The following WNK3 variants were observed in gnomAD, a reference collection of about 807,000 sequenced individuals.
WNK3 encodes the protein serine/threonine-protein kinase WNK3.
Under a neutral mutation model 116.7 loss-of-function variants are expected in WNK3, and 18 were observed. That is an observed-to-expected ratio of 0.15 (90% CI 0.11 to 0.23). The LOEUF (loss-of-function observed/expected upper bound fraction) is 0.23, where lower values mean the gene tolerates loss of function less well. WNK3 is among the 10% of genes least tolerant of loss of function. WNK3 has a pLI of 1.00. For missense variants in WNK3, 993 were observed against 1,323.8 expected, an observed-to-expected ratio of 0.75 and a Z score of 3.88; for synonymous variants, 404 against 469.4, an observed-to-expected ratio of 0.86 and a Z score of 1.80.
At chrX:54,210,407 G>A (rs2067600206) in intron 22 of WNK3, among the ~76,000 whole-genome samples, 2 of 111,953 alleles carry the variant, frequency 1.8e-5, no homozygotes, top group Non-Finnish European at 3.8e-5. Flanking sequence ...GATTGCTTGA[G>A]GTCAGGAGTT....
At chrX:54,281,362 G>A (rs1187277769) in intron 10 of WNK3, among the ~76,000 whole-genome samples, 12 of 110,946 alleles carry the variant, frequency 1.1e-4, no homozygotes, top group South Asian at 3.9e-4. Flanking sequence ...GCATACGCCT[G>A]TAGTCTCAGC....
chrX:54,253,913 AAGAC>A (rs1270268816), intron 13 of WNK3, 42 bp downstream of exon 13: 2 of 879,890 alleles, frequency 2.3e-6, no homozygotes, highest in Non-Finnish European at 3.3e-6. Flanking sequence ...TAGGGGAAAA[AAGAC>A]AGAATGCTGA....
chrX:54,201,869 A>C, intron 23 of WNK3, 122 bp downstream of exon 23: 1 of 574,121 alleles, frequency 1.7e-6, no homozygotes, highest in Admixed American at 3.9e-5. Context: ...AAAAAGGATA[A>C]AAGTCTCTAT....
chrX:54,266,879 C>T (rs2146997982), intron 10 of WNK3, among the ~76,000 whole-genome samples: 1 of 110,430 alleles, frequency 9.1e-6, no homozygotes, highest in African/African-American at 3.3e-5. Context: ...TGTCCTAATG[C>T]TCTCCCTCCC....
chrX:54,232,109 GTGTGTA>G (rs1396477624), intron 21 of WNK3, among the ~76,000 whole-genome samples: 2 of 96,428 alleles, frequency 2.1e-5, no homozygotes, highest in African/African-American at 9.2e-5. Context: ...GTGTGTGTGT[GTGTGTA>G]TATATATATA....
chrX:54,199,275 C>T (rs2067478507), intron 23 of WNK3, among the ~76,000 whole-genome samples: 1 of 110,263 alleles, frequency 9.1e-6, no homozygotes, highest in African/African-American at 3.3e-5. Context: ...AATACCTCCC[C>T]TTCACCATAC....
chrX:54,287,627 T>C (rs2068594816), intron 10 of WNK3, among the ~76,000 whole-genome samples: 1 of 112,064 alleles, frequency 8.9e-6, no homozygotes, highest in Admixed American at 9.5e-5. Context: ...GGTTTTTGTA[T>C]TTTATTCACT....
chrX:54,213,197 G>A (rs1281479329), intron 22 of WNK3, among the ~76,000 whole-genome samples: 3 of 108,680 alleles, frequency 2.8e-5, no homozygotes, highest in African/African-American at 1.0e-4. Flanking sequence ...TGTTGCCAGG[G>A]GTGGTCTTGA....
intron 1 of WNK3, among the ~76,000 whole-genome samples, chrX:54,345,286 G>A (rs781887237): frequency 1.6e-4 from 11 of 68,523 alleles, no homozygotes; most frequent in Non-Finnish European, 2.4e-4. Flanking sequence ...ATATATATAT[G>A]TATGTATGTA....
At chrX:54,356,880 A>G (rs1284927650) in intron 1 of WNK3, among the ~76,000 whole-genome samples, 3 of 98,482 alleles carry the variant, frequency 3.0e-5, no homozygotes, top group Admixed American at 1.1e-4. Context: ...TTCCACCCCC[A>G]CCCCATTATA....
intron 17 of WNK3, among the ~76,000 whole-genome samples, chrX:54,245,789 C>T (rs1403239164): frequency 9.0e-6 from 1 of 111,223 alleles, no homozygotes; most frequent in African/African-American, 3.3e-5. Context: ...ATACATGTTC[C>T]TTTGTTCATA....
At chrX:54,343,260 G>A (rs2069355084) in intron 1 of WNK3, among the ~76,000 whole-genome samples, 1 of 110,892 alleles carries the variant, frequency 9.0e-6, no homozygotes, top group African/African-American at 3.3e-5. Flanking sequence ...TGTAATCCTA[G>A]CACTTTGGGA....
chrX:54,307,184 G>A (rs1163510394), intron 5 of WNK3, among the ~76,000 whole-genome samples: 2 of 101,903 alleles, frequency 2.0e-5, no homozygotes, highest in East Asian at 3.1e-4. Context: ...CCGAGATCCC[G>A]CCACTGCACT....
intron 10 of WNK3, among the ~76,000 whole-genome samples, 179 bp downstream of exon 10, chrX:54,292,706 CAAA>C (rs1180750751): frequency 4.4e-5 from 1 of 22,486 alleles, no homozygotes; most frequent in Non-Finnish European, 8.9e-5. Flanking sequence ...CACTCCACCT[CAAA>C]AAAAAAAAAA....
chrX:54,212,361 T>C (rs781986772), intron 22 of WNK3, among the ~76,000 whole-genome samples: 1 of 111,463 alleles, frequency 9.0e-6, no homozygotes, highest in Non-Finnish European at 1.9e-5. Context: ...ATAGAATGTA[T>C]TTGTCAAAAT....
At chrX:54,283,143 A>G (rs905000375) in intron 10 of WNK3, among the ~76,000 whole-genome samples, 1 of 111,904 alleles carries the variant, frequency 8.9e-6, no homozygotes. Context: ...AAGATACCCA[A>G]TTAAAAACTG....
chrX:54,220,709 C>T (rs2067752119), intron 22 of WNK3, among the ~76,000 whole-genome samples: 1 of 111,399 alleles, frequency 9.0e-6, no homozygotes, highest in African/African-American at 3.3e-5. Context: ...ACTTATTAAG[C>T]AAAATAATTT....
In WNK3 at chrX:54,238,418, C is replaced by T. The variant is rs368509222; in HGVS notation, c.3938G>A (p.Arg1313Gln). ...AGCCCTAGTATCAGCTGTGGACTCC[C>T]GTGTCAGAGGAATGGGATCAGGAGC... The change falls in exon 19 of 24, where the codon CGG becomes CAG. Residue 1313 changes from arginine to glutamine, a missense_variant. Arg to Gln is a conservative substitution (Grantham distance 43). Transcript: ENST00000354646. 32 of 1,209,051 alleles carry T rather than the reference C, an allele frequency of 2.6e-5. No individual in the cohort carries two copies. Among genetic ancestry groups the T allele is most frequent in the African/African-American group, 3.5e-5 (2 of 57,184 alleles).
At chrX:54,222,561 A>G (rs1219003594) in intron 22 of WNK3, among the ~76,000 whole-genome samples, 2 of 106,378 alleles carry the variant, frequency 1.9e-5, no homozygotes, top group Admixed American at 2.1e-4. Flanking sequence ...CCTGTCTCAA[A>G]AAAAAGAAGA....
Sources: gnomAD v4.1 joint callset for allele counts (sites outside exome capture counted in the v4.1 genomes callset) on GRCh38, gnomAD v4.1.1 for gene constraint, MANE v1.5 for transcripts, NCBI Gene and HGNC (gene_info 2026-07-23, HGNC 2026-07-21) for gene names.